Variants in DOCK9 observed in about 807,000 individuals in gnomAD.
DOCK9 encodes the protein dedicator of cytokinesis 9.
Under a neutral mutation model 263.3 loss-of-function variants are expected in DOCK9, and 89 were observed. That is an observed-to-expected ratio of 0.34 (90% CI 0.28 to 0.40). The LOEUF is 0.40. Ranked by LOEUF, DOCK9 falls within the 10% of genes least tolerant of loss-of-function variation. DOCK9 has a pLI of 1.00. For synonymous variants in DOCK9, 976 were observed against 973.1 expected, an observed-to-expected ratio of 1.00 and a Z score of -0.06; for missense variants, 2,140 against 2,603.4, an observed-to-expected ratio of 0.82 and a Z score of 3.87.
At chr13:99,006,161 C>T (rs756014689) in intron 1 of DOCK9, among the ~76,000 whole-genome samples, 3 of 152,006 alleles carry the variant, frequency 2.0e-5, no homozygotes, top group South Asian at 2.1e-4. Context: ...ATGAAGATAA[C>T]GAAGGATTTA....
chr13:98,963,490 T>C (rs2058879770), intron 1 of DOCK9, among the ~76,000 whole-genome samples: 2 of 152,336 alleles, frequency 1.3e-5, no homozygotes, highest in South Asian at 4.1e-4. Context: ...ATTTCACTGC[T>C]CTTGCCTCGG....
At chr13:98,852,749 C>A (rs2093608685) in intron 35 of DOCK9, among the ~76,000 whole-genome samples, 1 of 152,194 alleles carries the variant, frequency 6.6e-6, no homozygotes, top group Admixed American at 6.5e-5. Flanking sequence ...TAGCCAGATA[C>A]ACAGATGAGC....
At chr13:98,804,870 C>T in intron 49 of DOCK9, 129 bp downstream of exon 49, 1 of 859,188 alleles carries the variant, frequency 1.2e-6, no homozygotes, top group Non-Finnish European at 1.8e-6. Context: ...AAATGTGAAA[C>T]TGAAATGGGT....
intron 1 of DOCK9, among the ~76,000 whole-genome samples, chr13:99,048,092 TCTCA>T (rs1328128845): frequency 6.6e-6 from 1 of 152,234 alleles, no homozygotes; most frequent in Non-Finnish European, 1.5e-5. Context: ...CGATGACAGT[TCTCA>T]CTGAGAACAT....
intron 32 of DOCK9, among the ~76,000 whole-genome samples, chr13:98,862,081 G>A (rs1364257504): frequency 6.6e-6 from 1 of 152,110 alleles, no homozygotes; most frequent in Non-Finnish European, 1.5e-5. Context: ...ATATACAAAT[G>A]AAAATTCTGA....
intron 45 of DOCK9, among the ~76,000 whole-genome samples, chr13:98,815,538 T>C (rs1044018650): frequency 1.3e-5 from 2 of 152,236 alleles, no homozygotes; most frequent in African/African-American, 2.4e-5. Flanking sequence ...TGCAGTGCAG[T>C]GGCACGATCT....
intron 37 of DOCK9, 27 bp downstream of exon 37, chr13:98,848,565 G>A (rs201479743): frequency 6.9e-6 from 11 of 1,604,398 alleles, no homozygotes; most frequent in Non-Finnish European, 5.1e-6. Context: ...AAAACAACAC[G>A]TTTCGAATGA....
chr13:99,034,954 T>C (rs541821149), intron 1 of DOCK9, among the ~76,000 whole-genome samples: 1 of 152,280 alleles, frequency 6.6e-6, no homozygotes, highest in South Asian at 2.1e-4. Flanking sequence ...TATCTTCCCA[T>C]TACCCCAATC....
At chr13:98,902,125 T>G (rs896520135) in intron 12 of DOCK9, among the ~76,000 whole-genome samples, 163 bp downstream of exon 12, 2 of 152,260 alleles carry the variant, frequency 1.3e-5, no homozygotes, top group Admixed American at 6.5e-5. Context: ...TAAAAGCCAC[T>G]TATTTCTCAG....
intron 1 of DOCK9, among the ~76,000 whole-genome samples, chr13:99,068,273 A>C (rs2041513590): frequency 6.6e-6 from 1 of 152,212 alleles, no homozygotes. Context: ...TGGAGAACTA[A>C]GAAAGTCTCT....
chr13:98,837,067 G>C (rs1443776395), intron 39 of DOCK9, among the ~76,000 whole-genome samples: 1 of 151,512 alleles, frequency 6.6e-6, no homozygotes, highest in Non-Finnish European at 1.5e-5. Flanking sequence ...ATCATTTAAT[G>C]CAGTAACAGA....
At chr13:98,810,123 G>C (rs1334095979) in intron 46 of DOCK9, 46 bp downstream of exon 46, 3 of 1,611,722 alleles carry the variant, frequency 1.9e-6, no homozygotes, top group Non-Finnish European at 2.5e-6. Context: ...ATATGTCACA[G>C]CGTCATGCTC....
At chr13:99,069,912 G>A (rs1278553767) in intron 1 of DOCK9, among the ~76,000 whole-genome samples, 1 of 152,206 alleles carries the variant, frequency 6.6e-6, no homozygotes, top group African/African-American at 2.4e-5. Context: ...CCTTAATTAA[G>A]CAAGTCACTT....
chr13:98,885,581 T>A, intron 20 of DOCK9, 127 bp downstream of exon 20: 4 of 1,011,114 alleles, frequency 4.0e-6, no homozygotes, highest in Non-Finnish European at 5.6e-6. Context: ...ACATGCTACA[T>A]ATCCGTTACC....
At chr13:98,949,800 G>T in intron 2 of DOCK9, 1 of 461,508 alleles carries the variant, frequency 2.2e-6, no homozygotes, top group South Asian at 1.7e-5. Flanking sequence ...TCTATTCTTG[G>T]TAGCATGATG....
Position 98,915,523 on chromosome 13 carries a change from A to G in DOCK9, c.718-20T>C. 6.2e-7 allele frequency: 1 copy of G among 1,600,918 alleles called. No homozygotes were observed. Among genetic ancestry groups the G allele is most frequent in the Non-Finnish European group, 8.5e-7 (1 of 1,174,640 alleles). ...GTTGTTCTGAAATGAAAAAAGGATAAACAGACATACTTTAAAAGAATTAGA... is the reference window on the plus strand; with the variant it reads ...GTTGTTCTGAAATGAAAAAAGGATAGACAGACATACTTTAAAAGAATTAGA... On this transcript the variant is annotated intron_variant, in intron 7 of 52. Transcript: ENST00000682017.
intron 2 of DOCK9, chr13:98,950,093 A>T: frequency 2.1e-6 from 1 of 484,184 alleles, no homozygotes; most frequent in Non-Finnish European, 3.8e-6. Flanking sequence ...ACTTTTACAA[A>T]GATACCACTG....
In DOCK9 at chr13:98,828,005, G is replaced by T. The variant is rs117262011; in HGVS notation, c.4966-1118C>A. Among the ~76,000 whole-genome samples, 3 of 152,328 alleles carry T rather than the reference G, an allele frequency of 2.0e-5. No homozygotes were observed. In the East Asian group the frequency reaches 5.8e-4, roughly 29 times the overall value. ...TAAGATGAGGTCATACTGGTGTGTGGTGGGCCCTAAATTCAACATTACTGG... is the reference window on the plus strand; with the variant it reads ...TAAGATGAGGTCATACTGGTGTGTGTTGGGCCCTAAATTCAACATTACTGG... On this transcript the variant is annotated intron_variant, in intron 43 of 52. Transcript: ENST00000682017.
chr13:98,964,274 C>T (rs1250341929), intron 1 of DOCK9, among the ~76,000 whole-genome samples: 1 of 152,142 alleles, frequency 6.6e-6, no homozygotes, highest in Admixed American at 6.6e-5. Context: ...GCAAGACAGC[C>T]CTATTGTATT....
Sources: gnomAD v4.1 joint callset for allele counts (sites outside exome capture counted in the v4.1 genomes callset) on GRCh38, gnomAD v4.1.1 for gene constraint, MANE v1.5 for transcripts, NCBI Gene and HGNC (gene_info 2026-07-23, HGNC 2026-07-21) for gene names.